The following SPATA12 variants were observed in gnomAD, a reference collection of about 807,000 sequenced individuals.
SPATA12 encodes spermatogenesis-associated protein 12.
For synonymous variants in SPATA12, 85 were observed against 89.2 expected (o/e 0.95, Z 0.26); for missense variants, 219 against 226.4 (o/e 0.97, Z 0.21).
Position 57,074,996 on chromosome 3 carries a change from T to C in SPATA12, c.*729T>C, listed in dbSNP as rs962704624. 8 of 167,220 alleles carry C rather than the reference T, an allele frequency of 4.8e-5. No homozygotes were observed. Among genetic ancestry groups the C allele is most frequent in the Non-Finnish European group, 1.2e-4 (8 of 68,264 alleles). The allele number at this position is 167,220 out of a possible 1,614,324, so 10.4% of individuals were successfully genotyped here. On this transcript the variant is annotated 3_prime_UTR_variant, in exon 2 of 2. Transcript: ENST00000334325. ...CTACATTGTCTCATTTTCCCTCCCC[T>C]TCTGCAGTGAGATAGACCATGTCCA...
chr3:57,069,383 A>T (rs1173442261), intron 1 of SPATA12, among the ~76,000 whole-genome samples: 3 of 150,952 alleles, frequency 2.0e-5, no homozygotes, highest in African/African-American at 4.9e-5. Context: ...TCAAACACAC[A>T]CACACACACA....
intron 1 of SPATA12, among the ~76,000 whole-genome samples, chr3:57,067,264 A>T (rs1002594335): frequency 5.3e-5 from 8 of 151,716 alleles, no homozygotes; most frequent in Non-Finnish European, 1.2e-4. Context: ...ATCCTGGCTA[A>T]CACGGTGAAA....
chr3:57,073,388 G>A lies in SPATA12; in HGVS notation c.-307G>A, dbSNP rs1351708977. Reference sequence around the variant, plus strand: ...TAGCCAAAAGGGAAGGAAAGAGAGAGAAAGCCACTGGAGTTGGGCAGCGTG... The same window carrying A: ...TAGCCAAAAGGGAAGGAAAGAGAGAAAAAGCCACTGGAGTTGGGCAGCGTG... On this transcript the variant is annotated 5_prime_UTR_variant, in exon 2 of 2. Coordinates refer to ENST00000334325, the MANE Select transcript of SPATA12 (RefSeq NM_181727.2). 2.2e-5 allele frequency: 7 copies of A among 311,914 alleles called. No homozygotes were observed. The highest frequency in any genetic ancestry group is 9.2e-4 in the Middle Eastern group (1 of 1,082). 19.3% of individuals were successfully genotyped at this position (311,914 alleles called of 1,614,324 possible).
chr3:57,062,668 T>C (rs1705293523), intron 1 of SPATA12, among the ~76,000 whole-genome samples: 1 of 152,150 alleles, frequency 6.6e-6, no homozygotes, highest in African/African-American at 2.4e-5. Context: ...CTGGTGGGAA[T>C]GACAGGACTC....
intron 1 of SPATA12, among the ~76,000 whole-genome samples, chr3:57,069,380 C>CAA (rs1400568677): frequency 1.5e-5 from 2 of 136,570 alleles, no homozygotes; most frequent in Admixed American, 1.4e-4. Context: ...CTCTCAAACA[C>CAA]ACACACACAC....
chr3:57,064,665 C>G (rs1480538084), intron 1 of SPATA12, among the ~76,000 whole-genome samples: 9 of 152,192 alleles, frequency 5.9e-5, no homozygotes, highest in African/African-American at 2.2e-4. Flanking sequence ...GCACATTATG[C>G]TGAGTGAAAT....
intron 1 of SPATA12, among the ~76,000 whole-genome samples, chr3:57,062,421 C>G (rs1307140537): frequency 6.6e-6 from 1 of 152,218 alleles, no homozygotes; most frequent in Non-Finnish European, 1.5e-5. Flanking sequence ...ACAGCCCCCA[C>G]TCGGGCTCAG....
chr3:57,061,226 T>C (rs1705207122), intron 1 of SPATA12, among the ~76,000 whole-genome samples: 1 of 152,242 alleles, frequency 6.6e-6, no homozygotes, highest in South Asian at 2.1e-4. Context: ...CTTTTGTGAC[T>C]GACTTTTCTC....
intron 1 of SPATA12, among the ~76,000 whole-genome samples, chr3:57,070,971 CAA>C (rs1231328722): frequency 6.0e-5 from 3 of 49,670 alleles, no homozygotes; most frequent in Admixed American, 2.1e-4. Context: ...GACTCTGTCA[CAA>C]AAAAAAAAAA....
chr3:57,070,880 G>C lies in SPATA12; in HGVS notation c.-329-2486G>C, dbSNP rs184226633. Reference sequence around the variant, plus strand: ...CCAGCTACTTGGGAGGCTGAGGTGGGAGGATTGCTTGAGCCCAGGAGGTCG... The same window carrying C: ...CCAGCTACTTGGGAGGCTGAGGTGGCAGGATTGCTTGAGCCCAGGAGGTCG... On this transcript the variant is annotated intron_variant, in intron 1 of 1. Coordinates refer to ENST00000334325, the MANE Select transcript of SPATA12 (RefSeq NM_181727.2). Among the ~76,000 whole-genome samples the C allele has an allele frequency of 2.6e-5, 4 of 151,334 alleles. No individual in the cohort carries two copies. In the East Asian group the frequency reaches 7.8e-4, roughly 29 times the overall value.
intron 1 of SPATA12, among the ~76,000 whole-genome samples, chr3:57,065,320 G>A (rs183929357): frequency 1.3e-5 from 2 of 152,292 alleles, no homozygotes; most frequent in East Asian, 1.9e-4. Context: ...AATTAGCCGG[G>A]TGTGATGGTG....
At chr3:57,069,592 C>T (rs1416507398) in intron 1 of SPATA12, among the ~76,000 whole-genome samples, 2 of 152,142 alleles carry the variant, frequency 1.3e-5, no homozygotes, top group South Asian at 2.1e-4. Flanking sequence ...TGTATTTGTG[C>T]TGTGCCAAAG....
chr3:57,074,873 T>C lies in SPATA12; in HGVS notation c.*606T>C, dbSNP rs187948626. On this transcript the variant is annotated 3_prime_UTR_variant, in exon 2 of 2. Transcript: ENST00000334325. ...CATTGCTCAGGTCTCACCCTGTAAA[T>C]GTAGGTACCAGCCTTCTAGTTGACC... The C allele has an allele frequency of 6.0e-6, 1 of 167,564 alleles. No individual in the cohort carries two copies. The highest frequency in any genetic ancestry group is 1.5e-5 in the Non-Finnish European group (1 of 68,444). 10.4% of individuals were successfully genotyped at this position (167,564 alleles called of 1,614,324 possible).
intron 1 of SPATA12, among the ~76,000 whole-genome samples, chr3:57,067,694 G>C (rs1340440446): frequency 1.3e-5 from 2 of 150,102 alleles, no homozygotes; most frequent in African/African-American, 4.9e-5. Context: ...AAATTAGCCG[G>C]CGTGAGACCA....
At chr3:57,066,337 C>A (rs1451740142) in intron 1 of SPATA12, among the ~76,000 whole-genome samples, 2 of 152,032 alleles carry the variant, frequency 1.3e-5, no homozygotes, top group Non-Finnish European at 2.9e-5. Context: ...TCTTGGCTCA[C>A]CGCAACCTCC....
chr3:57,064,206 T>C (rs1161549716), intron 1 of SPATA12, among the ~76,000 whole-genome samples: 1 of 152,128 alleles, frequency 6.6e-6, no homozygotes, highest in Admixed American at 6.5e-5. Flanking sequence ...GGGGTAGAGG[T>C]TGCAGTGAGC....
At chr3:57,062,729 GCACA>G (rs939755095) in intron 1 of SPATA12, among the ~76,000 whole-genome samples, 22 of 151,860 alleles carry the variant, frequency 1.4e-4, no homozygotes, top group Admixed American at 4.6e-4. Flanking sequence ...CAACAAACAT[GCACA>G]CACACATACA....
intron 1 of SPATA12, among the ~76,000 whole-genome samples, chr3:57,065,764 C>T (rs1486085086): frequency 6.6e-6 from 1 of 152,168 alleles, no homozygotes; most frequent in Non-Finnish European, 1.5e-5. Context: ...GCCTGCGGAA[C>T]AGGAGAGGCA....
Position 57,073,821 on chromosome 3 carries a change from C to G in SPATA12, c.127C>G (p.His43Asp), listed in dbSNP as rs1415325014. Reference sequence around the variant, plus strand: ...CAGAGGCCTTGGGTCATCCACCCAACATCCCAACAAACCCCACTGTGCACT... The same window carrying G: ...CAGAGGCCTTGGGTCATCCACCCAAGATCCCAACAAACCCCACTGTGCACT... ...PPRGLGSSTQ[H>D]PNKPHCALAS... The change falls in exon 2 of 2, where the codon CAT (histidine) becomes GAT (aspartate). Residue 43 changes from histidine to aspartate, a missense_variant. By Grantham distance (81) the His-to-Asp change is moderately conservative (BLOSUM62 -1). Coordinates refer to ENST00000334325, the MANE Select transcript of SPATA12 (RefSeq NM_181727.2). The G allele has an allele frequency of 6.2e-7, 1 of 1,614,236 alleles. No individual in the cohort carries two copies. The highest frequency in any genetic ancestry group is 8.5e-7 in the Non-Finnish European group (1 of 1,180,042).
Sources: gnomAD v4.1 joint callset for allele counts (sites outside exome capture counted in the v4.1 genomes callset) on GRCh38, gnomAD v4.1.1 for gene constraint, MANE v1.5 for transcripts, NCBI Gene and HGNC (gene_info 2026-07-23, HGNC 2026-07-21) for gene names.